TAFA5: variants seen among roughly 807,000 people sequenced by gnomAD.
TAFA5 encodes TAFA chemokine like family member 5.
TAFA5 carries 6 observed loss-of-function variants against 15.3 expected under a neutral mutation model. That is an observed-to-expected ratio of 0.39 (90% confidence interval 0.21 to 0.77). TAFA5 has a LOEUF of 0.77. TAFA5 is among the 30% of genes least tolerant of loss of function. TAFA5 has a pLI of 0.41. For missense variants in TAFA5, 161 were observed against 193.1 expected (o/e 0.83, Z 0.98); for synonymous variants, 103 against 80.7 (o/e 1.28, Z -1.48).
At chr22:48,608,795 C>T (rs995524331) in intron 1 of TAFA5, among the ~76,000 whole-genome samples, 7 of 152,192 alleles carry the variant, frequency 4.6e-5, no homozygotes, top group African/African-American at 1.2e-4. Context: ...AGCCACAGCT[C>T]CAGGCCTTCG....
chr22:48,656,219 T>A (rs1367441273), intron 2 of TAFA5, among the ~76,000 whole-genome samples: 2 of 152,146 alleles, frequency 1.3e-5, no homozygotes, highest in Admixed American at 1.3e-4. Context: ...TGGAACTGGC[T>A]TGCACCAGAT....
At chr22:48,697,998 G>T (rs1195621490) in intron 2 of TAFA5, among the ~76,000 whole-genome samples, 1 of 151,372 alleles carries the variant, frequency 6.6e-6, no homozygotes, top group East Asian at 2.0e-4. Context: ...TGAGGATGGT[G>T]AGCATGATGG....
rs191749600 is a variant in TAFA5 at position 48,554,236 on chromosome 22, C to T, written c.112+64532C>T. On this transcript the variant is annotated intron_variant, in intron 1 of 3. Coordinates refer to ENST00000402357, the MANE Select transcript of TAFA5 (RefSeq NM_001082967.3). ...TGTCTGGGCTTCGACTTTGAAGGTGCAGAAGTTTGACGGGCTAGTTTAGGC... is the reference window on the plus strand; with the variant it reads ...TGTCTGGGCTTCGACTTTGAAGGTGTAGAAGTTTGACGGGCTAGTTTAGGC... Among the ~76,000 whole-genome samples, 545 of 152,010 alleles carry T rather than the reference C, an allele frequency of 3.6e-3. 1 individual carries two copies. The highest frequency in any genetic ancestry group is 5.4e-3 in the Non-Finnish European group (370 of 67,952).
chr22:48,586,683 C>G (rs1416769535), intron 1 of TAFA5, among the ~76,000 whole-genome samples: 2 of 152,250 alleles, frequency 1.3e-5, no homozygotes, highest in African/African-American at 4.8e-5. Context: ...CCTGGCTTCT[C>G]TGGATCCGGA....
intron 1 of TAFA5, among the ~76,000 whole-genome samples, chr22:48,624,838 G>A (rs1173584939): frequency 1.3e-5 from 2 of 152,134 alleles, no homozygotes; most frequent in Admixed American, 6.5e-5. Context: ...GGTGGCTCAC[G>A]CCTGTCATCG....
chr22:48,655,835 T>TC (rs1555896452), intron 2 of TAFA5, among the ~76,000 whole-genome samples: 1 of 112,054 alleles, frequency 8.9e-6, no homozygotes, highest in Non-Finnish European at 2.0e-5. Flanking sequence ...TGATTCTTTT[T>TC]TTTTTTTTTT....
chr22:48,526,168 G>A (rs575351876), intron 1 of TAFA5, among the ~76,000 whole-genome samples: 33 of 152,310 alleles, frequency 2.2e-4, no homozygotes, highest in African/African-American at 7.7e-4. Flanking sequence ...AGCATGAAGG[G>A]GCTGTCCAGG....
intron 2 of TAFA5, among the ~76,000 whole-genome samples, chr22:48,689,339 C>T (rs1026639430): frequency 2.0e-5 from 3 of 152,134 alleles, no homozygotes; most frequent in Non-Finnish European, 4.4e-5. Flanking sequence ...CCCCACATCT[C>T]GGGTCCACAT....
chr22:48,493,727 C>T (rs1308154302), intron 1 of TAFA5, among the ~76,000 whole-genome samples: 1 of 152,188 alleles, frequency 6.6e-6, no homozygotes, highest in Non-Finnish European at 1.5e-5. Flanking sequence ...TTTTAGCCGA[C>T]ATCCATGCCC....
At chr22:48,556,313 A>C (rs1289308687) in intron 1 of TAFA5, among the ~76,000 whole-genome samples, 1 of 152,198 alleles carries the variant, frequency 6.6e-6, no homozygotes, top group Non-Finnish European at 1.5e-5. Flanking sequence ...GGGTTTGCCA[A>C]GCTCCGGGGA....
chr22:48,595,664 G>A (rs1227877129), intron 1 of TAFA5, among the ~76,000 whole-genome samples: 1 of 152,294 alleles, frequency 6.6e-6, no homozygotes, highest in Non-Finnish European at 1.5e-5. Context: ...CTGCCCATCA[G>A]GCTGCAGGGG....
At chr22:48,605,204 A>G (rs1246795003) in intron 1 of TAFA5, among the ~76,000 whole-genome samples, 17 of 78,988 alleles carry the variant, frequency 2.2e-4, no homozygotes, top group Non-Finnish European at 3.3e-4. Flanking sequence ...AATGGTGATG[A>G]TGGTGGTGAT....
At chr22:48,671,772 G>A (rs1884346) in intron 2 of TAFA5, among the ~76,000 whole-genome samples, 3 of 152,124 alleles carry the variant, frequency 2.0e-5, no homozygotes, top group Non-Finnish European at 2.9e-5. Context: ...TGTCCCTGGT[G>A]CCTGTCCCTG....
chr22:48,666,023 TC>T (rs1927597120), intron 2 of TAFA5, among the ~76,000 whole-genome samples: 1 of 135,166 alleles, frequency 7.4e-6, no homozygotes, highest in Non-Finnish European at 1.6e-5. Context: ...CTGGCCTGGC[TC>T]CAGGAGGGTG....
At chr22:48,731,203 A>C (rs1929860203) in intron 3 of TAFA5, among the ~76,000 whole-genome samples, 1 of 152,216 alleles carries the variant, frequency 6.6e-6, no homozygotes, top group Non-Finnish European at 1.5e-5. Context: ...GAAGGCTGAG[A>C]GAAGGGAGGA....
At chr22:48,660,264 G>T (rs5771694) in intron 2 of TAFA5, among the ~76,000 whole-genome samples, 131,848 of 152,258 alleles carry the variant, frequency 0.87, 57,540 homozygotes, top group East Asian at 1. Context: ...TGGTTGGATG[G>T]GGCCTGGACT....
At chr22:48,685,203 G>A (rs1928316440) in intron 2 of TAFA5, among the ~76,000 whole-genome samples, 1 of 152,232 alleles carries the variant, frequency 6.6e-6, no homozygotes, top group South Asian at 2.1e-4. Flanking sequence ...TCAGAAGTCA[G>A]TAAAAAGGAA....
intron 1 of TAFA5, among the ~76,000 whole-genome samples, chr22:48,614,486 C>T (rs1925525758): frequency 6.6e-6 from 1 of 152,196 alleles, no homozygotes; most frequent in Non-Finnish European, 1.5e-5. Context: ...GCTGAAAATC[C>T]CGCCTTGTAC....
At chr22:48,510,802 C>CGTTCCT (rs1921182421) in intron 1 of TAFA5, among the ~76,000 whole-genome samples, 2 of 152,374 alleles carry the variant, frequency 1.3e-5, no homozygotes, top group South Asian at 4.1e-4. Context: ...CTGAGGCCTG[C>CGTTCCT]GTTCCTGCTG....
Sources: gnomAD v4.1 joint callset for allele counts (sites outside exome capture counted in the v4.1 genomes callset) on GRCh38, gnomAD v4.1.1 for gene constraint, MANE v1.5 for transcripts, NCBI Gene and HGNC (gene_info 2026-07-23, HGNC 2026-07-21) for gene names.